XRCC4: variants seen among roughly 807,000 people sequenced by gnomAD.
XRCC4 encodes X-ray repair cross complementing 4.
A neutral mutation model predicts 39.1 loss-of-function variants in XRCC4; 28 were observed. The observed-to-expected ratio is 0.72, with a 90% confidence interval of 0.53 to 0.98. The LOEUF (loss-of-function observed/expected upper bound fraction) is 0.98. Ranked by LOEUF, XRCC4 falls within the 50% of genes least tolerant of loss-of-function variation. The probability of loss-of-function intolerance (pLI) is 0.00; values close to 1 mark genes in which losing one functional copy is unlikely to be tolerated. For missense variants in XRCC4, 350 were observed against 376.4 expected (o/e 0.93, Z 0.58); for synonymous variants, 123 against 126.4 (o/e 0.97, Z 0.18).
chr5:83,301,224 C>T (rs1755272846), intron 7 of XRCC4, among the ~76,000 whole-genome samples: 1 of 152,212 alleles, frequency 6.6e-6, no homozygotes, highest in Non-Finnish European at 1.5e-5. Context: ...TGTTTTGCCA[C>T]ATCCTCTCCA....
intron 7 of XRCC4, among the ~76,000 whole-genome samples, chr5:83,327,372 A>G (rs1756297581): frequency 6.6e-6 from 1 of 152,028 alleles, no homozygotes. Flanking sequence ...ATCAGTATGT[A>G]TCATTGCTTT....
chr5:83,106,767 T>C (rs868008342), intron 2 of XRCC4, among the ~76,000 whole-genome samples: 2 of 152,016 alleles, frequency 1.3e-5, no homozygotes, highest in African/African-American at 4.8e-5. Flanking sequence ...ATTTGGTTTG[T>C]CAACACTCTT....
At chr5:83,140,346 C>T (rs1488241460) in intron 3 of XRCC4, among the ~76,000 whole-genome samples, 2 of 152,190 alleles carry the variant, frequency 1.3e-5, no homozygotes, top group Non-Finnish European at 2.9e-5. Flanking sequence ...GCCGAAGAAC[C>T]TGGAGTCTGA....
At chr5:83,141,080 A>G (rs1023450260) in intron 3 of XRCC4, among the ~76,000 whole-genome samples, 1 of 152,162 alleles carries the variant, frequency 6.6e-6, no homozygotes, top group Non-Finnish European at 1.5e-5. Context: ...ATTCTTTTGC[A>G]TTTTGCTTTT....
chr5:83,131,784 G>T (rs561347431), intron 3 of XRCC4, among the ~76,000 whole-genome samples: 15 of 152,046 alleles, frequency 9.9e-5, no homozygotes, highest in African/African-American at 3.6e-4. Flanking sequence ...CTCTGCACAT[G>T]AGATGGGTCT....
At chr5:83,334,925 C>G (rs16900322) in intron 7 of XRCC4, among the ~76,000 whole-genome samples, 2,890 of 151,700 alleles carry the variant, frequency 0.019, 88 homozygotes, top group African/African-American at 0.066. Context: ...TGTTTTTAAC[C>G]TAATATTTAT....
chr5:83,108,687 T>C (rs745660684), intron 2 of XRCC4, among the ~76,000 whole-genome samples: 2 of 151,876 alleles, frequency 1.3e-5, no homozygotes, highest in African/African-American at 2.4e-5. Flanking sequence ...TCTTCAAGTT[T>C]TTCTATGGCC....
chr5:83,128,809 T>G (rs972398804), intron 3 of XRCC4, among the ~76,000 whole-genome samples: 30 of 152,162 alleles, frequency 2.0e-4, no homozygotes, highest in African/African-American at 7.2e-4. Flanking sequence ...TTGCCCACTT[T>G]TTGATGGGGT....
intron 7 of XRCC4, chr5:83,280,581 C>T (rs538150175): frequency 2.6e-5 from 12 of 461,230 alleles, no homozygotes; most frequent in South Asian, 9.5e-5. Flanking sequence ...CCACTGTAGC[C>T]GACTTCAGAT....
In XRCC4 at chr5:83,341,558, T is replaced by C. The variant is rs140357142; in HGVS notation, c.894-11573T>C. 3.4e-3 allele frequency among the ~76,000 whole-genome samples: 516 copies of C among 152,250 alleles called. 7 individuals carry two copies. The highest frequency in any genetic ancestry group is 0.012 in the African/African-American group (485 of 41,536). ...CCATAGATTTTTTTAGAAAATATCT[T>C]ACAGAACTACCTTTTGAGACACACT... On this transcript the variant is annotated intron_variant, in intron 7 of 7. Coordinates refer to ENST00000396027, the MANE Select transcript of XRCC4 (RefSeq NM_003401.5).
At chr5:83,080,965 ACT>A (rs1159768993) in intron 1 of XRCC4, among the ~76,000 whole-genome samples, 2 of 152,348 alleles carry the variant, frequency 1.3e-5, no homozygotes, top group East Asian at 3.9e-4. Context: ...TGCTAGTTTT[ACT>A]GTCACACCTC....
intron 7 of XRCC4, among the ~76,000 whole-genome samples, chr5:83,339,905 T>C (rs1407582946): frequency 6.6e-6 from 1 of 152,154 alleles, no homozygotes; most frequent in Non-Finnish European, 1.5e-5. Context: ...CAGCATTACT[T>C]CTGCCTTGGA....
chr5:83,360,911 T>C, the XRCC4 span, among the ~76,000 whole-genome samples: 12 of 152,302 alleles, frequency 7.9e-5, no homozygotes, highest in Non-Finnish European at 1.6e-4. Context: ...CTAATACTTA[T>C]ATGGAATAAC....
intron 2 of XRCC4, among the ~76,000 whole-genome samples, chr5:83,105,304 G>A (rs899680396): frequency 1.3e-5 from 2 of 152,120 alleles, no homozygotes; most frequent in Non-Finnish European, 2.9e-5. Context: ...TTGTTCAGAG[G>A]TTTAAAATGA....
At chr5:83,131,207 C>T (rs757678289) in intron 3 of XRCC4, among the ~76,000 whole-genome samples, 2 of 152,116 alleles carry the variant, frequency 1.3e-5, no homozygotes, top group Non-Finnish European at 2.9e-5. Flanking sequence ...ATCTTTATTT[C>T]TGCCTTCATT....
At chr5:83,096,303 C>T (rs1460087696) in intron 1 of XRCC4, among the ~76,000 whole-genome samples, 2 of 151,834 alleles carry the variant, frequency 1.3e-5, no homozygotes, top group African/African-American at 4.8e-5. Flanking sequence ...CAGTGATAAG[C>T]GGGAACCACA....
intron 7 of XRCC4, among the ~76,000 whole-genome samples, chr5:83,337,038 A>G (rs1372385924): frequency 6.6e-6 from 1 of 152,310 alleles, no homozygotes; most frequent in Admixed American, 6.5e-5. Context: ...TAGCATTTCT[A>G]AAAAGTTTAT....
Position 83,148,097 on chromosome 5 carries a change from G to A in XRCC4, c.315+36894G>A, listed in dbSNP as rs944338348. 1.2e-4 allele frequency among the ~76,000 whole-genome samples: 19 copies of A among 152,078 alleles called. 1 individual carries two copies. The highest frequency in any genetic ancestry group is 6.5e-5 in the Admixed American group (1 of 15,278). On this transcript the variant is annotated intron_variant, in intron 3 of 7. Coordinates refer to ENST00000396027, the MANE Select transcript of XRCC4 (RefSeq NM_003401.5). ...GTGATAAATCTATCAACTAACAACCGATAAATTCATCAACTTTAATCAGTT... is the reference window on the plus strand; with the variant it reads ...GTGATAAATCTATCAACTAACAACCAATAAATTCATCAACTTTAATCAGTT...
At chr5:83,345,268 C>G (rs1756884046) in intron 7 of XRCC4, among the ~76,000 whole-genome samples, 1 of 152,062 alleles carries the variant, frequency 6.6e-6, no homozygotes, top group South Asian at 2.1e-4. Context: ...CAATTTCTGC[C>G]TTGAATAAAC....
Sources: gnomAD v4.1 joint callset for allele counts (sites outside exome capture counted in the v4.1 genomes callset) on GRCh38, gnomAD v4.1.1 for gene constraint, MANE v1.5 for transcripts, NCBI Gene and HGNC (gene_info 2026-07-23, HGNC 2026-07-21) for gene names.